Variants in SEC24D observed in about 807,000 individuals in gnomAD.
SEC24D encodes the protein protein transport protein Sec24D.
In SEC24D, 69 loss-of-function variants were observed where a neutral mutation model predicts 116.9. The observed-to-expected ratio is 0.59, with a 90% CI of 0.49 to 0.72. The LOEUF is 0.72. SEC24D is among the 30% of genes least tolerant of loss of function. The pLI, the probability that SEC24D is intolerant of heterozygous loss-of-function variation, is 0.00. For missense variants in SEC24D, 1,131 were observed against 1,264.1 expected, an observed-to-expected ratio of 0.89 and a Z score of 1.60; for synonymous variants, 405 against 442.8, an observed-to-expected ratio of 0.91 and a Z score of 1.07.
At chr4:118,765,518 T>C (rs896611146) in intron 9 of SEC24D, among the ~76,000 whole-genome samples, 7 of 152,190 alleles carry the variant, frequency 4.6e-5, no homozygotes, top group African/African-American at 1.7e-4. Context: ...CTGGAAGTCA[T>C]CCAATAGCAC....
intron 20 of SEC24D, 95 bp from the exon 21 acceptor site, chr4:118,731,602 T>A: frequency 1.0e-6 from 1 of 966,386 alleles, no homozygotes; most frequent in Admixed American, 1.9e-5. Flanking sequence ...CTCCCCTCCC[T>A]CAATGCATAG....
At chr4:118,789,101 T>C (rs1288400748) in intron 8 of SEC24D, among the ~76,000 whole-genome samples, 3 of 152,092 alleles carry the variant, frequency 2.0e-5, no homozygotes, top group African/African-American at 7.2e-5. Flanking sequence ...GCAAGAAAAA[T>C]AAATACTGTT....
intron 8 of SEC24D, among the ~76,000 whole-genome samples, chr4:118,782,146 C>T (rs1180020045): frequency 6.6e-6 from 1 of 152,198 alleles, no homozygotes; most frequent in Non-Finnish European, 1.5e-5. Context: ...GAGCTGCAAT[C>T]CTTTGAAGGA....
At chr4:118,803,857 T>A (rs950202850) in intron 7 of SEC24D, among the ~76,000 whole-genome samples, 1 of 152,180 alleles carries the variant, frequency 6.6e-6, no homozygotes, top group Non-Finnish European at 1.5e-5. Context: ...CCATATAAAG[T>A]GGTTAGAAAA....
Position 118,723,473 on chromosome 4 carries a change from T to G in SEC24D, c.*42A>C. ...GAAAATTAGGCACCAAGAAGGAGATTATCTCCTTGGAAATGCAACATCAAT... is the reference window on the plus strand; with the variant it reads ...GAAAATTAGGCACCAAGAAGGAGATGATCTCCTTGGAAATGCAACATCAAT... On this transcript the variant is annotated 3_prime_UTR_variant, in exon 23 of 23. Transcript: ENST00000280551. 4 of 1,571,308 alleles carry G rather than the reference T, an allele frequency of 2.5e-6. No homozygotes were observed. The highest frequency in any genetic ancestry group is 1.4e-5 in the African/African-American group (1 of 73,256).
chr4:118,814,903 T>C, intron 6 of SEC24D, 125 bp downstream of exon 6: 1 of 1,061,074 alleles, frequency 9.4e-7, no homozygotes. Flanking sequence ...GCCTTCCCTC[T>C]ATGTGATGAG....
At chr4:118,731,577 T>A in intron 20 of SEC24D, 70 bp from the exon 21 acceptor site, 1 of 1,327,734 alleles carries the variant, frequency 7.5e-7, no homozygotes, top group Non-Finnish European at 1.1e-6. Context: ...CCTCTTTTCC[T>A]TTCCTTTTTC....
intron 4 of SEC24D, 110 bp from the exon 5 acceptor site, chr4:118,815,836 AC>A: frequency 8.7e-7 from 1 of 1,151,684 alleles, no homozygotes; most frequent in Non-Finnish European, 1.2e-6. Flanking sequence ...GCAAGAGGAC[AC>A]CCTTAGAAAC....
intron 8 of SEC24D, among the ~76,000 whole-genome samples, chr4:118,792,282 C>G (rs1310906428): frequency 6.7e-6 from 1 of 149,400 alleles, no homozygotes; most frequent in African/African-American, 2.5e-5. Flanking sequence ...GGGGGCAGCC[C>G]CCGCCCGGCC....
chr4:118,748,697 CT>C lies in SEC24D; in HGVS notation c.1707+3298del, dbSNP rs759632227. On this transcript the variant is annotated intron_variant, in intron 13 of 22. Coordinates refer to ENST00000280551, the MANE Select transcript of SEC24D (RefSeq NM_014822.4). Reference sequence around the variant, plus strand: ...CGACAGAGCTTATTATCTCTACCTGCTTTTTTTTTTAATAGAAAAGACTATC... The same window carrying C: ...CGACAGAGCTTATTATCTCTACCTGCTTTTTTTTTAATAGAAAAGACTATC... Among the ~76,000 whole-genome samples, 965 of 147,890 alleles carry C rather than the reference CT, an allele frequency of 6.5e-3. 7 individuals are homozygous for C. Among genetic ancestry groups the C allele is most frequent in the Non-Finnish European group, 0.01 (677 of 66,658 alleles).
At chr4:118,805,586 T>C (rs1291841057) in intron 7 of SEC24D, among the ~76,000 whole-genome samples, 1 of 152,198 alleles carries the variant, frequency 6.6e-6, no homozygotes, top group Non-Finnish European at 1.5e-5. Flanking sequence ...TTTAAACCCA[T>C]AAATTAAAAT....
At chr4:118,769,492 A>C (rs1007867249) in intron 8 of SEC24D, among the ~76,000 whole-genome samples, 9 of 152,218 alleles carry the variant, frequency 5.9e-5, no homozygotes, top group Middle Eastern at 3.4e-3. Context: ...AATAAAGCAG[A>C]CTGCTTTTGA....
intron 8 of SEC24D, among the ~76,000 whole-genome samples, chr4:118,778,710 G>T (rs192369583): frequency 6.6e-6 from 1 of 152,134 alleles, no homozygotes; most frequent in Non-Finnish European, 1.5e-5. Context: ...CCATTTTCAC[G>T]ATATTGATTC....
chr4:118,739,501 C>G (rs1177878120), intron 17 of SEC24D, among the ~76,000 whole-genome samples: 1 of 152,124 alleles, frequency 6.6e-6, no homozygotes, highest in East Asian at 1.9e-4. Flanking sequence ...CAATGTAGCA[C>G]TTCACTGGTT....
intron 8 of SEC24D, among the ~76,000 whole-genome samples, chr4:118,777,827 A>G (rs1041830388): frequency 1.3e-5 from 2 of 152,154 alleles, no homozygotes; most frequent in African/African-American, 2.4e-5. Flanking sequence ...ATGGTATCTC[A>G]TTGTGGTTTT....
intron 8 of SEC24D, among the ~76,000 whole-genome samples, chr4:118,771,746 C>G (rs1014873868): frequency 6.6e-6 from 1 of 152,142 alleles, no homozygotes; most frequent in African/African-American, 2.4e-5. Context: ...CTTCTTAATA[C>G]CACTAGTAAA....
In SEC24D at chr4:118,723,535, T is replaced by C. The variant is rs1725249802; in HGVS notation, c.3079A>G (p.Ile1027Val). The C allele has an allele frequency of 6.2e-7, 1 of 1,612,246 alleles. No individual in the cohort carries two copies. Reference protein sequence around the residue: ...VDFLCCVHKEICQLLN With the variant: ...VDFLCCVHKEVCQLLN ...TTCAATTAATTAAGCAGCTGACAGATCTCCTTGTGAACACAACAAAGGAAA... is the reference window on the plus strand; with the variant it reads ...TTCAATTAATTAAGCAGCTGACAGACCTCCTTGTGAACACAACAAAGGAAA... The change falls in exon 23 of 23, where the codon ATC becomes GTC. Residue 1027 changes from isoleucine (I) to valine (V), a missense_variant. Transcript: ENST00000280551.
At chr4:118,815,402 G>A (rs965034186) in intron 5 of SEC24D, 49 bp downstream of exon 5, 2 of 1,589,848 alleles carry the variant, frequency 1.3e-6, no homozygotes, top group East Asian at 2.2e-5. Context: ...TTCAGTTAAG[G>A]GTTCCCCTGG....
chr4:118,787,875 C>T (rs1241240276), intron 8 of SEC24D, among the ~76,000 whole-genome samples: 1 of 152,210 alleles, frequency 6.6e-6, no homozygotes, highest in African/African-American at 2.4e-5. Flanking sequence ...TAGAGTGACA[C>T]TATGATAGCT....
Sources: gnomAD v4.1 joint callset for allele counts (sites outside exome capture counted in the v4.1 genomes callset) on GRCh38, gnomAD v4.1.1 for gene constraint, MANE v1.5 for transcripts, NCBI Gene and HGNC (gene_info 2026-07-23, HGNC 2026-07-21) for gene names.